Variants in LTBP1 observed in about 807,000 individuals in gnomAD.
LTBP1 encodes the protein latent-transforming growth factor beta-binding protein 1.
Under a neutral mutation model 207.6 loss-of-function variants are expected in LTBP1, and 129 were observed. The ratio of observed to expected loss-of-function variants is 0.62; its 90% CI spans 0.54 to 0.72. LTBP1 has a LOEUF of 0.72. Ranked by LOEUF, LTBP1 falls within the 30% of genes least tolerant of loss-of-function variation. The probability of loss-of-function intolerance (pLI) is 0.00; values close to 1 mark genes in which losing one functional copy is unlikely to be tolerated. For synonymous variants in LTBP1, 963 were observed against 833.7 expected, an observed-to-expected ratio of 1.16 and a Z score of -2.67; for missense variants, 2,281 against 2,217.2, an observed-to-expected ratio of 1.03 and a Z score of -0.58.
chr2:33,367,259 C>T (rs927550983), intron 31 of LTBP1, among the ~76,000 whole-genome samples: 16 of 152,048 alleles, frequency 1.1e-4, no homozygotes, highest in Non-Finnish European at 1.5e-4. Context: ...ACAATGTCCA[C>T]GGGTTATTTT....
chr2:33,341,729 A>AATATATATATATATATATATATAT (rs56171359), intron 24 of LTBP1, among the ~76,000 whole-genome samples: 15 of 93,616 alleles, frequency 1.6e-4, no homozygotes, highest in South Asian at 3.9e-4. Context: ...AAAAAAAAAA[A>AATATATATATATATATATATATAT]ATATATATAT....
intron 7 of LTBP1, among the ~76,000 whole-genome samples, chr2:33,214,270 G>C (rs2090523840): frequency 6.6e-6 from 1 of 152,154 alleles, no homozygotes; most frequent in Non-Finnish European, 1.5e-5. Context: ...CTTAGGCCTG[G>C]GTCATTGTTC....
chr2:33,083,475 G>GA (rs1172668194), intron 3 of LTBP1, among the ~76,000 whole-genome samples: 5 of 152,102 alleles, frequency 3.3e-5, no homozygotes, highest in Non-Finnish European at 7.4e-5. Context: ...GCTGGGGAGT[G>GA]ACATGTGATG....
At chr2:33,046,589 T>C (rs2076458134) in intron 3 of LTBP1, among the ~76,000 whole-genome samples, 1 of 152,208 alleles carries the variant, frequency 6.6e-6, no homozygotes, top group Non-Finnish European at 1.5e-5. Context: ...TTTGTGTGTC[T>C]CTGGCAGGTT....
intron 31 of LTBP1, among the ~76,000 whole-genome samples, chr2:33,368,348 A>G (rs1440982049): frequency 6.6e-6 from 1 of 152,210 alleles, no homozygotes; most frequent in Non-Finnish European, 1.5e-5. Context: ...GAATGTCTTT[A>G]TCCATTCCTC....
intron 5 of LTBP1, among the ~76,000 whole-genome samples, chr2:33,182,501 A>C (rs2148712047): frequency 6.6e-6 from 1 of 151,402 alleles, no homozygotes; most frequent in Admixed American, 6.6e-5. Context: ...TCTCTACTAA[A>C]AATACAAAAA....
intron 7 of LTBP1, among the ~76,000 whole-genome samples, 191 bp downstream of exon 7, chr2:33,189,042 T>A (rs553378477): frequency 6.6e-6 from 1 of 152,244 alleles, no homozygotes; most frequent in Non-Finnish European, 1.5e-5. Context: ...ACATACTGTC[T>A]ATGCCCATTT....
At chr2:33,232,102 G>C (rs1437664722) in intron 9 of LTBP1, among the ~76,000 whole-genome samples, 1 of 152,090 alleles carries the variant, frequency 6.6e-6, no homozygotes, top group Non-Finnish European at 1.5e-5. Flanking sequence ...GGACACATGA[G>C]GGGTAAGGGG....
At chr2:33,106,321 C>T (rs1437464882) in intron 3 of LTBP1, among the ~76,000 whole-genome samples, 1 of 152,200 alleles carries the variant, frequency 6.6e-6, no homozygotes, top group Non-Finnish European at 1.5e-5. Flanking sequence ...TCCCATGAAT[C>T]ACAAATGTTC....
intron 24 of LTBP1, among the ~76,000 whole-genome samples, chr2:33,340,962 TTC>T (rs1202202262): frequency 6.6e-6 from 1 of 152,346 alleles, no homozygotes; most frequent in Admixed American, 6.5e-5. Context: ...CCAAACTAAA[TTC>T]TGTCAAGTGA....
chr2:33,110,221 G>A lies in LTBP1; in HGVS notation c.864-361G>A, dbSNP rs550500064. On this transcript the variant is annotated intron_variant, in intron 3 of 33. Transcript: ENST00000404816. ...TCCTCCCATCTCAGCCTCCTGAGTAGCTAGGACTACAGTCATGCACCATCA... is the reference window on the plus strand; with the variant it reads ...TCCTCCCATCTCAGCCTCCTGAGTAACTAGGACTACAGTCATGCACCATCA... Among the ~76,000 whole-genome samples, 6 of 152,292 alleles carry A rather than the reference G, an allele frequency of 3.9e-5. No individual in the cohort carries two copies. The South Asian group carries it at 8.3e-4, about 21-fold the overall frequency.
chr2:33,236,786 T>G lies in LTBP1; in HGVS notation c.1877-6876T>G, dbSNP rs140925889. ...ATGTAATATCTGTAGACTACAGTCA[T>G]GAATCCAAGACCAACAGAGTAAGTG... On this transcript the variant is annotated intron_variant, in intron 9 of 33. Coordinates refer to ENST00000404816, the MANE Select transcript of LTBP1 (RefSeq NM_206943.4). Among the ~76,000 whole-genome samples the G allele has an allele frequency of 2.6e-3, 399 of 152,356 alleles. 2 individuals carry two copies. Among genetic ancestry groups the G allele is most frequent in the African/African-American group, 9.2e-3 (383 of 41,586 alleles).
intron 26 of LTBP1, among the ~76,000 whole-genome samples, chr2:33,350,159 T>G (rs1318540801): frequency 6.6e-6 from 1 of 152,228 alleles, no homozygotes; most frequent in East Asian, 1.9e-4. Flanking sequence ...CATAATATAC[T>G]GAAGCTGAGA....
chr2:33,061,369 A>G (rs531399979), intron 3 of LTBP1: 11 of 152,182 alleles, frequency 7.2e-5, no homozygotes, highest in East Asian at 1.9e-4. Flanking sequence ...GAAATGTACA[A>G]ATCTTACATG....
At chr2:33,304,997 T>C (rs548364393) in intron 22 of LTBP1, among the ~76,000 whole-genome samples, 2 of 152,262 alleles carry the variant, frequency 1.3e-5, no homozygotes, top group African/African-American at 4.8e-5. Flanking sequence ...TAGCTTACAT[T>C]GTAGTGTGGG....
intron 24 of LTBP1, among the ~76,000 whole-genome samples, chr2:33,340,606 G>A (rs1355538558): frequency 6.6e-6 from 1 of 152,170 alleles, no homozygotes; most frequent in East Asian, 1.9e-4. Flanking sequence ...GGTCACTGGT[G>A]CTTTTTCTCA....
chr2:33,073,820 T>C (rs2149779230), intron 3 of LTBP1, among the ~76,000 whole-genome samples: 1 of 152,230 alleles, frequency 6.6e-6, no homozygotes, highest in South Asian at 2.1e-4. Flanking sequence ...AGAGACAGGG[T>C]TTCACCATGT....
chr2:33,315,664 G>A (rs1015447259), intron 24 of LTBP1, among the ~76,000 whole-genome samples: 1 of 152,288 alleles, frequency 6.6e-6, no homozygotes, highest in Admixed American at 6.5e-5. Flanking sequence ...ATGTCTTGCG[G>A]CTGGGTGCGG....
At chr2:33,026,798 G>T (rs1250536060) in intron 3 of LTBP1, among the ~76,000 whole-genome samples, 1 of 152,164 alleles carries the variant, frequency 6.6e-6, no homozygotes, top group Non-Finnish European at 1.5e-5. Context: ...ATGTTAAATT[G>T]AAATTACATA....
Sources: gnomAD v4.1 joint callset for allele counts (sites outside exome capture counted in the v4.1 genomes callset) on GRCh38, gnomAD v4.1.1 for gene constraint, MANE v1.5 for transcripts, NCBI Gene and HGNC (gene_info 2026-07-23, HGNC 2026-07-21) for gene names.